Variants in MAMSTR observed in about 807,000 individuals in gnomAD.
MAMSTR encodes the protein MEF2 activating motif and SAP domain containing transcriptional regulator.
Under a neutral mutation model 42.7 loss-of-function variants are expected in MAMSTR, and 41 were observed. That is an observed-to-expected ratio of 0.96 (90% CI 0.75 to 1.25). The LOEUF (loss-of-function observed/expected upper bound fraction) is 1.25. MAMSTR is among the 50% of genes most tolerant of loss of function. The probability of loss-of-function intolerance (pLI) is 0.00; values close to 1 mark genes in which losing one functional copy is unlikely to be tolerated. For synonymous variants in MAMSTR, 265 were observed against 244.1 expected, an observed-to-expected ratio of 1.09 and a Z score of -0.80; for missense variants, 567 against 557.6, an observed-to-expected ratio of 1.02 and a Z score of -0.17.
In MAMSTR at chr19:48,714,367, G is replaced by A. The variant is rs752106987; in HGVS notation, c.722C>T (p.Ser241Leu). 2.3e-5 allele frequency: 31 copies of A among 1,362,950 alleles called. No individual in the cohort carries two copies. The highest frequency in any genetic ancestry group is 1.1e-4 in the Admixed American group (3 of 26,748). The allele number at this position is 1,362,950 out of a possible 1,614,324, so 84.4% of individuals were successfully genotyped here. The part of the protein sequence containing the change: ...KALAAARRQG[S>L]VKPSAASHRP... Reference sequence around the variant, plus strand: ...GCAAGCTCATAGCCCCGCCCTCACCGAGCCCTGACGCCGGGCGGCTGCCAG... The same window carrying A: ...GCAAGCTCATAGCCCCGCCCTCACCAAGCCCTGACGCCGGGCGGCTGCCAG... Residue 241 changes from serine (S) to leucine (L), a missense_variant and splice_region_variant, in exon 7 of 10, where the codon TCG becomes TTG. Ser to Leu is a moderately radical substitution (Grantham distance 145). Transcript: ENST00000318083.
chr19:48,710,271 A>T (rs868757304), downstream of MAMSTR, among the ~76,000 whole-genome samples: 2,692 of 144,878 alleles, frequency 0.019, 78 homozygotes, highest in African/African-American at 0.064. Flanking sequence ...CACCTGGCTA[A>T]TTATTTTTTT....
At chr19:48,715,866 G>C in intron 3 of MAMSTR, 99 bp from the exon 4 acceptor site, 1 of 1,479,608 alleles carries the variant, frequency 6.8e-7, no homozygotes. Context: ...GTGCCGGAGG[G>C]CAGGCCAGGG....
At chr19:48,716,542 G>T (rs2033043121) in intron 3 of MAMSTR, among the ~76,000 whole-genome samples, 163 bp downstream of exon 3, 1 of 152,146 alleles carries the variant, frequency 6.6e-6, no homozygotes, top group East Asian at 1.9e-4. Context: ...CAGAGACCTG[G>T]ACCCTGGATC....
chr19:48,714,301 A>T, intron 7 of MAMSTR, 65 bp downstream of exon 7: 1 of 1,292,740 alleles, frequency 7.7e-7, no homozygotes, highest in Non-Finnish European at 9.9e-7. Context: ...AGTTTTTTCG[A>T]CACCCCGCCC....
At chr19:48,715,168 C>T in intron 5 of MAMSTR, 94 bp downstream of exon 5, 1 of 1,219,120 alleles carries the variant, frequency 8.2e-7, no homozygotes, top group Non-Finnish European at 1.2e-6. Context: ...GGGTTGGGGG[C>T]CCCAATCCCC....
intron 2 of MAMSTR, chr19:48,717,111 G>T: frequency 3.0e-6 from 1 of 338,306 alleles, no homozygotes; most frequent in Non-Finnish European, 4.3e-6. Flanking sequence ...CTTTATCCAT[G>T]CACTCCTGCT....
chr19:48,716,997 C>G, intron 2 of MAMSTR: 1 of 1,138,460 alleles, frequency 8.8e-7, no homozygotes, highest in Non-Finnish European at 1.1e-6. Context: ...TGGAGGCAGC[C>G]CTGCCCCCGG....
In MAMSTR at chr19:48,714,010, A is replaced by C; in HGVS notation, c.759T>G (p.Leu253=). ...TCCCCGGGGTATCCGCGGCACGTGG[A>C]AGAGGTGGCCTGTGAGATGCTGCGC... ...KPSAASHRPP[L]PRAADTPGTA... The change falls in exon 8 of 10, where the codon CTT becomes CTG. Residue 253 remains leucine, a synonymous_variant. Transcript: ENST00000318083. The C allele has an allele frequency of 6.2e-7, 1 of 1,607,634 alleles. No homozygotes were observed. The highest frequency in any genetic ancestry group is 8.5e-7 in the Non-Finnish European group (1 of 1,177,266).
the MAMSTR span, among the ~76,000 whole-genome samples, chr19:48,706,201 C>A: frequency 6.6e-6 from 1 of 150,462 alleles, no homozygotes; most frequent in African/African-American, 2.4e-5. Context: ...GCAGGAGAAT[C>A]GTTTGCACCA....
downstream of MAMSTR, among the ~76,000 whole-genome samples, chr19:48,711,751 T>G (rs996250416): frequency 5.6e-5 from 8 of 141,632 alleles, no homozygotes; most frequent in Admixed American, 7.1e-5. Context: ...TTTTTTTTTT[T>G]TTTTTTTTTT....
At chr19:48,709,702 A>G (rs1282501076), downstream of MAMSTR, among the ~76,000 whole-genome samples, 2 of 152,054 alleles carry the variant, frequency 1.3e-5, no homozygotes, top group African/African-American at 4.8e-5. Context: ...AAACCAGCCA[A>G]TCCAGAGCCC....
intron 2 of MAMSTR, 142 bp downstream of exon 2, chr19:48,718,832 T>A: frequency 1.3e-6 from 1 of 792,022 alleles, no homozygotes; most frequent in South Asian, 1.7e-5. Flanking sequence ...GCCGGACCCC[T>A]GTGCTTGGGC....
the MAMSTR span, among the ~76,000 whole-genome samples, chr19:48,707,287 G>T: frequency 1.3e-5 from 2 of 151,386 alleles, no homozygotes; most frequent in African/African-American, 4.9e-5. Flanking sequence ...GTGGTGGCAC[G>T]CACCTGTAGT....
At chr19:48,707,286 C>T in the MAMSTR span, among the ~76,000 whole-genome samples, 8 of 151,252 alleles carry the variant, frequency 5.3e-5, no homozygotes, top group East Asian at 3.9e-4. Flanking sequence ...TGTGGTGGCA[C>T]GCACCTGTAG....
intron 2 of MAMSTR, among the ~76,000 whole-genome samples, chr19:48,718,537 G>A (rs765958367): frequency 3.1e-4 from 47 of 151,958 alleles, no homozygotes; most frequent in Non-Finnish European, 3.4e-4. Context: ...ACAGGCATGC[G>A]CCACCACACC....
At chr19:48,712,215 C>T (rs1241280912), downstream of MAMSTR, among the ~76,000 whole-genome samples, 1 of 151,908 alleles carries the variant, frequency 6.6e-6, no homozygotes, top group Non-Finnish European at 1.5e-5. Context: ...ATAATAAGCT[C>T]AAACAGGGAG....
chr19:48,718,470 C>T (rs1182630213), intron 2 of MAMSTR, among the ~76,000 whole-genome samples: 3 of 150,756 alleles, frequency 2.0e-5, no homozygotes, highest in Admixed American at 2.0e-4. Context: ...TCACCGCAAC[C>T]TCCTCCTCCC....
chr19:48,707,617 T>G, the MAMSTR span, among the ~76,000 whole-genome samples: 2 of 151,386 alleles, frequency 1.3e-5, no homozygotes, highest in Non-Finnish European at 2.9e-5. Flanking sequence ...GGTGCACACC[T>G]GTAATCCCAG....
At chr19:48,715,853 A>G (rs2032998649) in intron 3 of MAMSTR, 86 bp from the exon 4 acceptor site, 2 of 1,483,964 alleles carry the variant, frequency 1.3e-6, no homozygotes, top group Non-Finnish European at 1.8e-6. Context: ...GCGGGGCTCC[A>G]GGGTGCCGGA....
Sources: gnomAD v4.1 joint callset for allele counts (sites outside exome capture counted in the v4.1 genomes callset) on GRCh38, gnomAD v4.1.1 for gene constraint, MANE v1.5 for transcripts, NCBI Gene and HGNC (gene_info 2026-07-23, HGNC 2026-07-21) for gene names.